The following THSD7A variants were observed in gnomAD, a reference collection of about 807,000 sequenced individuals.
THSD7A encodes the protein thrombospondin type-1 domain-containing protein 7A.
Under a neutral mutation model 231.3 loss-of-function variants are expected in THSD7A, and 96 were observed. That is an observed-to-expected ratio of 0.41 (90% confidence interval 0.35 to 0.49). The LOEUF is 0.49. Ranked by LOEUF, THSD7A falls within the 20% of genes least tolerant of loss-of-function variation. The probability of loss-of-function intolerance (pLI) is 0.05; values close to 1 mark genes in which losing one functional copy is unlikely to be tolerated. For synonymous variants in THSD7A, 940 were observed against 743.3 expected (o/e 1.26, Z -4.30); for missense variants, 2,290 against 2,070.2 (o/e 1.11, Z -2.06).
chr7:11,831,739 TA>T lies in THSD7A; in HGVS notation c.190+17del. 7.0e-7 allele frequency: 1 copy of T among 1,427,166 alleles called. No individual in the cohort carries two copies. Among genetic ancestry groups the T allele is most frequent in the Non-Finnish European group, 9.2e-7 (1 of 1,084,864 alleles). The allele number at this position is 1,427,166 out of a possible 1,614,324, so 88.4% of individuals were successfully genotyped here. ...CCCAGATGTGAAGATGGGGAAAGGG[TA>T]ACTCCGTCCCACTTACCAGTCTTCC... On this transcript the variant is annotated intron_variant, in intron 1 of 27. Coordinates refer to ENST00000423059, the MANE Select transcript of THSD7A (RefSeq NM_015204.3). This position sits in a 1 kb window ranked among gnomAD's most constrained non-coding sequence, Gnocchi z 5.0.
At chr7:11,804,164 T>A (rs1296593392) in intron 1 of THSD7A, among the ~76,000 whole-genome samples, 1 of 152,170 alleles carries the variant, frequency 6.6e-6, no homozygotes, top group South Asian at 2.1e-4. Context: ...CTATCATTAA[T>A]AGAATTTTTT....
chr7:11,656,418 C>T (rs149368941), intron 1 of THSD7A, among the ~76,000 whole-genome samples: 239 of 151,938 alleles, frequency 1.6e-3, no homozygotes, highest in African/African-American at 5.4e-3. Flanking sequence ...GTCATAGGGG[C>T]TCACAGTTCA....
At chr7:11,737,435 A>C (rs1033262278) in intron 1 of THSD7A, among the ~76,000 whole-genome samples, 4 of 152,034 alleles carry the variant, frequency 2.6e-5, no homozygotes, top group Admixed American at 2.0e-4. Flanking sequence ...AAGACAGAGG[A>C]CTATGCAAGA....
intron 1 of THSD7A, among the ~76,000 whole-genome samples, chr7:11,667,570 G>C (rs1347769652): frequency 6.6e-6 from 1 of 152,072 alleles, no homozygotes; most frequent in Non-Finnish European, 1.5e-5. Context: ...AAAAACATCT[G>C]TGCTCTGTAA....
rs184822680 is a variant in THSD7A, at chr7:11,432,397, C to T, written c.3065-3272G>A. ...GTCTTCATATGCAAAAGTGCATTTT[C>T]CATAGACGTAAATTTCACTGAACAC... is the stretch of plus-strand genomic sequence containing the variant. On this transcript the variant is annotated intron_variant, in intron 13 of 27. Transcript: ENST00000423059. Among the ~76,000 whole-genome samples the T allele has an allele frequency of 1.1e-3, 168 of 152,152 alleles. 1 individual carries two copies. The Middle Eastern group carries it at 0.027, about 25-fold the overall frequency.
intron 4 of THSD7A, among the ~76,000 whole-genome samples, chr7:11,570,869 C>T (rs1222195523): frequency 6.6e-6 from 1 of 152,120 alleles, no homozygotes; most frequent in East Asian, 1.9e-4. Context: ...GTGAAAAGAA[C>T]TCTTGAGAGG....
intron 23 of THSD7A, among the ~76,000 whole-genome samples, chr7:11,390,432 A>G (rs1190324743): frequency 6.6e-6 from 1 of 151,750 alleles, no homozygotes; most frequent in African/African-American, 2.4e-5. Context: ...GAAATTTTTG[A>G]GCTGTGTTTT....
chr7:11,776,611 G>A (rs1384103717), intron 1 of THSD7A, among the ~76,000 whole-genome samples: 4 of 152,022 alleles, frequency 2.6e-5, no homozygotes, highest in Admixed American at 6.6e-5. Context: ...TGTTTGCTGT[G>A]TTTTATAAAA....
chr7:11,552,247 A>G (rs887262923), intron 4 of THSD7A, among the ~76,000 whole-genome samples: 11 of 151,932 alleles, frequency 7.2e-5, no homozygotes, highest in Admixed American at 7.2e-4. Context: ...TGAAATCTAT[A>G]CACTAACCCC....
chr7:11,413,629 C>A, intron 17 of THSD7A, among the ~76,000 whole-genome samples: 1 of 152,172 alleles, frequency 6.6e-6, no homozygotes. Context: ...AAATAACAGG[C>A]TTTTCCCCAA....
intron 13 of THSD7A, among the ~76,000 whole-genome samples, chr7:11,435,173 GATTC>G (rs780843480): frequency 6.6e-6 from 1 of 151,978 alleles, no homozygotes; most frequent in Non-Finnish European, 1.5e-5. Flanking sequence ...CGCTTTTTCA[GATTC>G]ATTGAGTGAT....
chr7:11,571,655 C>T (rs1414985083), intron 4 of THSD7A, among the ~76,000 whole-genome samples: 1 of 152,166 alleles, frequency 6.6e-6, no homozygotes, highest in South Asian at 2.1e-4. Flanking sequence ...TGAAGATGTC[C>T]GTTTGTCATG....
At chr7:11,820,423 T>A in intron 1 of THSD7A, 1 of 1,326,758 alleles carries the variant, frequency 7.5e-7, no homozygotes, top group South Asian at 1.7e-5. Flanking sequence ...ATGGGCCCAC[T>A]TGGGGCTGGT....
chr7:11,813,931 T>C (rs916136695), intron 1 of THSD7A, among the ~76,000 whole-genome samples: 5 of 152,118 alleles, frequency 3.3e-5, no homozygotes, highest in African/African-American at 1.2e-4. Flanking sequence ...ACAACCCAAA[T>C]GTCTATCAGC....
intron 1 of THSD7A, among the ~76,000 whole-genome samples, chr7:11,731,476 C>T (rs192259499): frequency 1.3e-3 from 202 of 151,694 alleles, no homozygotes; most frequent in Non-Finnish European, 2.6e-3. Context: ...TCCATAATGT[C>T]TCAGAGTTAC....
chr7:11,413,579 CG>C (rs1382762480), intron 17 of THSD7A, among the ~76,000 whole-genome samples: 1 of 152,078 alleles, frequency 6.6e-6, no homozygotes, highest in Non-Finnish European at 1.5e-5. Flanking sequence ...CCTGGGTTTT[CG>C]GGGTGAGCTA....
intron 1 of THSD7A, among the ~76,000 whole-genome samples, chr7:11,766,157 A>T (rs1783022955): frequency 6.6e-6 from 1 of 152,112 alleles, no homozygotes; most frequent in African/African-American, 2.4e-5. Flanking sequence ...TGCCTGGTGA[A>T]CCTTTTCAAG....
intron 6 of THSD7A, among the ~76,000 whole-genome samples, chr7:11,536,608 C>T (rs754757426): frequency 1.3e-5 from 2 of 152,162 alleles, no homozygotes; most frequent in Non-Finnish European, 2.9e-5. Context: ...CCTAGTGAAT[C>T]ACTAAACCTG....
chr7:11,403,142 C>T (rs1258584168), intron 22 of THSD7A, among the ~76,000 whole-genome samples: 2 of 152,110 alleles, frequency 1.3e-5, no homozygotes, highest in Non-Finnish European at 2.9e-5. Flanking sequence ...GACACAAATT[C>T]ACAAGGGTTT....
Sources: gnomAD v4.1 joint callset for allele counts (sites outside exome capture counted in the v4.1 genomes callset) on GRCh38, gnomAD v4.1.1 for gene constraint, Gnocchi (gnomAD v3.1) non-coding constraint, MANE v1.5 for transcripts, NCBI Gene and HGNC (gene_info 2026-07-23, HGNC 2026-07-21) for gene names.